PARD3: variants seen among roughly 807,000 people sequenced by gnomAD.
PARD3 encodes par-3 family cell polarity regulator.
PARD3 carries 75 observed loss-of-function variants against 155.4 expected under a neutral mutation model. That is an observed-to-expected ratio of 0.48 (90% confidence interval 0.40 to 0.58). PARD3 has a LOEUF of 0.58. PARD3 is among the 20% of genes least tolerant of loss of function. The pLI, the probability that PARD3 is intolerant of heterozygous loss-of-function variation, is 0.00. For synonymous variants in PARD3, 576 were observed against 610.5 expected (o/e 0.94, Z 0.83); for missense variants, 1,642 against 1,721.7 (o/e 0.95, Z 0.82).
chr10:34,442,181 TG>T, intron 5 of PARD3, among the ~76,000 whole-genome samples: 1 of 152,274 alleles, frequency 6.6e-6, no homozygotes, highest in South Asian at 2.1e-4. Context: ...CCAAATAATA[TG>T]AACAGTCATT....
chr10:34,118,603 CCCAAAG>C (rs1946814633), intron 24 of PARD3, among the ~76,000 whole-genome samples: 1 of 152,180 alleles, frequency 6.6e-6, no homozygotes, highest in Non-Finnish European at 1.5e-5. Flanking sequence ...GCCTCAGCCT[CCCAAAG>C]TGCTGGGATT....
chr10:34,580,683 T>C (rs769874989), intron 2 of PARD3, among the ~76,000 whole-genome samples: 2 of 152,228 alleles, frequency 1.3e-5, no homozygotes, highest in South Asian at 2.1e-4. Flanking sequence ...TTTGGTATCA[T>C]CTCCCACATT....
intron 1 of PARD3, among the ~76,000 whole-genome samples, chr10:34,790,337 G>C (rs899650207): frequency 2.0e-5 from 3 of 152,178 alleles, no homozygotes; most frequent in Admixed American, 1.3e-4. Flanking sequence ...CAGTAATGAC[G>C]CTGATGCAGA....
intron 22 of PARD3, among the ~76,000 whole-genome samples, chr10:34,253,299 T>G (rs1564521233): frequency 6.6e-6 from 1 of 152,234 alleles, no homozygotes; most frequent in Non-Finnish European, 1.5e-5. Context: ...ACATTAGTTC[T>G]TTAACCCCTC....
chr10:34,464,802 A>G (rs1471872912), intron 4 of PARD3, among the ~76,000 whole-genome samples: 1 of 152,218 alleles, frequency 6.6e-6, no homozygotes, highest in African/African-American at 2.4e-5. Context: ...CCCCCTGGTA[A>G]TAAGAATAGC....
chr10:34,442,611 G>A (rs1174039941), intron 5 of PARD3, among the ~76,000 whole-genome samples: 1 of 152,210 alleles, frequency 6.6e-6, no homozygotes, highest in Non-Finnish European at 1.5e-5. Context: ...GCTCACACCT[G>A]TAATCCCAGT....
chr10:34,515,415 G>A (rs1440925465), intron 3 of PARD3, among the ~76,000 whole-genome samples: 2 of 152,196 alleles, frequency 1.3e-5, no homozygotes, highest in Admixed American at 1.3e-4. Context: ...AGTATCCTTG[G>A]AAACATCTGT....
At chr10:34,367,958 A>AATGCTGGGCTGGGCGC (rs1376896857) in intron 12 of PARD3, among the ~76,000 whole-genome samples, 1 of 152,146 alleles carries the variant, frequency 6.6e-6, no homozygotes, top group Non-Finnish European at 1.5e-5. Flanking sequence ...GAATTCTTGA[A>AATGCTGGGCTGGGCGC]AGTTAAGCAT....
chr10:34,764,293 T>C (rs1010853631), intron 1 of PARD3, among the ~76,000 whole-genome samples: 1 of 152,212 alleles, frequency 6.6e-6, no homozygotes, highest in Non-Finnish European at 1.5e-5. Flanking sequence ...TCATTAAATA[T>C]AAGATCTCCT....
intron 9 of PARD3, among the ~76,000 whole-genome samples, chr10:34,380,934 T>C (rs1168754374): frequency 2.6e-5 from 4 of 152,162 alleles, no homozygotes; most frequent in African/African-American, 9.6e-5. Flanking sequence ...GTCATTTAAG[T>C]AGAGCAAAAG....
chr10:34,463,196 G>A (rs1376646383), intron 4 of PARD3, among the ~76,000 whole-genome samples: 1 of 130,418 alleles, frequency 7.7e-6, no homozygotes, highest in Non-Finnish European at 1.6e-5. Context: ...AAGAGAAGGG[G>A]AAGGAAAGGG....
intron 20 of PARD3, among the ~76,000 whole-genome samples, chr10:34,291,996 C>T (rs1023242887): frequency 6.6e-6 from 1 of 152,194 alleles, no homozygotes; most frequent in African/African-American, 2.4e-5. Context: ...AGGTCAGGAA[C>T]TGCTCCTAAT....
At chr10:34,635,909 T>G (rs534018327) in intron 2 of PARD3, among the ~76,000 whole-genome samples, 2 of 152,242 alleles carry the variant, frequency 1.3e-5, no homozygotes, top group South Asian at 4.2e-4. Context: ...AGACTGGGTC[T>G]TTAATCCCAG....
chr10:34,539,394 C>T (rs540607465), intron 2 of PARD3, among the ~76,000 whole-genome samples: 2 of 152,274 alleles, frequency 1.3e-5, no homozygotes, highest in South Asian at 2.1e-4. Context: ...CTCAGCCAGG[C>T]GCAGTGGCTC....
chr10:34,797,056 T>G (rs1397477552), intron 1 of PARD3, among the ~76,000 whole-genome samples: 4 of 152,214 alleles, frequency 2.6e-5, no homozygotes, highest in Non-Finnish European at 5.9e-5. Flanking sequence ...GTTAGGTTCA[T>G]GAGGCAGCAC....
chr10:34,282,164 C>CA (rs1249369120), intron 21 of PARD3, among the ~76,000 whole-genome samples: 5 of 144,222 alleles, frequency 3.5e-5, no homozygotes, highest in Admixed American at 2.1e-4. Context: ...TGCTCTATTA[C>CA]AAAATCCATA....
chr10:34,810,912 A>G (rs1844068152), intron 1 of PARD3, among the ~76,000 whole-genome samples: 1 of 152,134 alleles, frequency 6.6e-6, no homozygotes, highest in Admixed American at 6.6e-5. Context: ...TGTAAACCTA[A>G]GTCACCAAAC....
At chr10:34,234,181 A>G (rs961956536) in intron 22 of PARD3, among the ~76,000 whole-genome samples, 1 of 152,184 alleles carries the variant, frequency 6.6e-6, no homozygotes, top group African/African-American at 2.4e-5. Context: ...AATTTCTGAT[A>G]TAACTACTGA....
At chr10:34,788,280 C>T (rs1841228524) in intron 1 of PARD3, among the ~76,000 whole-genome samples, 1 of 152,086 alleles carries the variant, frequency 6.6e-6, no homozygotes, top group African/African-American at 2.4e-5. Flanking sequence ...TTCAAAGAAG[C>T]ACTTTGTGTG....
Sources: gnomAD v4.1 joint callset for allele counts (sites outside exome capture counted in the v4.1 genomes callset) on GRCh38, gnomAD v4.1.1 for gene constraint, MANE v1.5 for transcripts, NCBI Gene and HGNC (gene_info 2026-07-23, HGNC 2026-07-21) for gene names.